Variants in MALRD1 observed in about 807,000 individuals in gnomAD.
The protein encoded by MALRD1 is MAM and LDL receptor class A domain containing 1.
In MALRD1, 247 loss-of-function variants were observed where a neutral mutation model predicts 242.1. The ratio of observed to expected loss-of-function variants is 1.02; its 90% CI spans 0.92 to 1.13. The LOEUF (loss-of-function observed/expected upper bound fraction) is 1.13. Among genes scored for constraint, MALRD1 ranks in the 50% most tolerant of loss-of-function variants. The pLI, the probability that MALRD1 is intolerant of heterozygous loss-of-function variation, is 0.00. For synonymous variants in MALRD1, 995 were observed against 866.6 expected, an observed-to-expected ratio of 1.15 and a Z score of -2.60; for missense variants, 2,989 against 2,533.1, an observed-to-expected ratio of 1.18 and a Z score of -3.86.
chr10:19,062,141 A>G (rs1171320004), intron 1 of MALRD1, among the ~76,000 whole-genome samples: 1 of 152,246 alleles, frequency 6.6e-6, no homozygotes, highest in East Asian at 1.9e-4. Flanking sequence ...AAAAAAATAC[A>G]TAAATGTCCA....
intron 31 of MALRD1, among the ~76,000 whole-genome samples, chr10:19,521,487 CT>C (rs1245341720): frequency 6.6e-6 from 1 of 152,084 alleles, no homozygotes; most frequent in Non-Finnish European, 1.5e-5. Context: ...TCCTCATGCA[CT>C]TTGTGTCCTC....
rs182280361 is a variant in MALRD1 at position 19,706,434 on chromosome 10, C to T, written c.6314+13880C>T. On this transcript the variant is annotated intron_variant, in intron 38 of 39. Transcript: ENST00000454679. The stretch of plus-strand genomic sequence containing the variant: ...CCTCTGCCCCCGCCCCCCTTGGCCC[C>T]GGGTTCAAGTGATTCTCCTGCCTCA... Among the ~76,000 whole-genome samples, 583 of 152,052 alleles carry T rather than the reference C, an allele frequency of 3.8e-3. 4 individuals are homozygous for T. Among genetic ancestry groups the T allele is most frequent in the African/African-American group, 0.012 (494 of 41,476 alleles).
At chr10:19,683,999 G>C (rs1316742767) in intron 36 of MALRD1, among the ~76,000 whole-genome samples, 2 of 152,010 alleles carry the variant, frequency 1.3e-5, no homozygotes, top group Non-Finnish European at 2.9e-5. Context: ...TCATTGTTCA[G>C]CTCCCACTTA....
At position 19,238,464 on chromosome 10, in the gene MALRD1, A is replaced by ATG. The variant is rs1564492544; in HGVS notation, c.2992-19219_2992-19218insGT. 3.6e-3 allele frequency among the ~76,000 whole-genome samples: 98 copies of ATG among 26,998 alleles called. 11 individuals are homozygous for ATG. The highest frequency in any genetic ancestry group is 0.038 in the Middle Eastern group (1 of 26). The allele number at this position is 26,998 out of a possible 152,430, so 17.7% of individuals were successfully genotyped here. ...TAATATACATTATATATAATATATA[A>ATG]TATAATATATAATATACATTATATA... is the stretch of plus-strand genomic sequence containing the variant. On this transcript the variant is annotated intron_variant, in intron 18 of 39. Transcript: ENST00000454679.
At chr10:19,548,505 C>A (rs1038622333) in intron 32 of MALRD1, among the ~76,000 whole-genome samples, 4 of 152,188 alleles carry the variant, frequency 2.6e-5, no homozygotes, top group Non-Finnish European at 5.9e-5. Context: ...CAAGATGTGA[C>A]TGGCCTGAAT....
At position 19,615,792 on chromosome 10, in the gene MALRD1, A is replaced by G. The variant is rs16919173; in HGVS notation, c.6071-65A>G. The G allele has an allele frequency of 0.016, 19,956 of 1,227,512 alleles. 1,788 individuals are homozygous for G. In the African/African-American group the frequency reaches 0.22, roughly 14 times the overall value. 76.0% of individuals were successfully genotyped at this position (1,227,512 alleles called of 1,614,324 possible). A position where few individuals can be genotyped will look rare whatever the true frequency, so the allele number is the denominator to read the frequency against. ...AGATTTAATGTAATGACAAATAGTG[A>G]TATCTTCTTCTTCCTCCTAATACTA... On this transcript the variant is annotated intron_variant, in intron 35 of 39. Coordinates refer to ENST00000454679, the MANE Select transcript of MALRD1 (RefSeq NM_001142308.3).
chr10:19,266,769 C>G (rs994559672), intron 19 of MALRD1, among the ~76,000 whole-genome samples: 3 of 151,900 alleles, frequency 2.0e-5, no homozygotes, highest in African/African-American at 7.2e-5. Context: ...CTAGTAGGAA[C>G]TTAGCCATGT....
At chr10:19,482,518 G>A (rs1837037892) in intron 29 of MALRD1, among the ~76,000 whole-genome samples, 1 of 151,904 alleles carries the variant, frequency 6.6e-6, no homozygotes, top group African/African-American at 2.4e-5. Flanking sequence ...TCTATACTGA[G>A]AAAGCCCAAA....
chr10:19,395,439 A>G (rs142338496), intron 28 of MALRD1, among the ~76,000 whole-genome samples: 34 of 152,352 alleles, frequency 2.2e-4, no homozygotes, highest in African/African-American at 6.3e-4. Context: ...GAGGGCTTCC[A>G]GGTCATACGT....
At chr10:19,138,544 C>T (rs1026793973) in intron 10 of MALRD1, among the ~76,000 whole-genome samples, 8 of 151,956 alleles carry the variant, frequency 5.3e-5, no homozygotes, top group Middle Eastern at 3.4e-3. Flanking sequence ...TCTCGGCCTC[C>T]AGAGTAGCTG....
chr10:19,104,333 A>G (rs948223214), intron 5 of MALRD1, among the ~76,000 whole-genome samples: 1 of 152,180 alleles, frequency 6.6e-6, no homozygotes, highest in Non-Finnish European at 1.5e-5. Context: ...AATGTTTACA[A>G]CGGCTAAAGT....
intron 26 of MALRD1, among the ~76,000 whole-genome samples, chr10:19,370,007 C>T (rs2130742044): frequency 6.6e-6 from 1 of 152,178 alleles, no homozygotes; most frequent in South Asian, 2.1e-4. Flanking sequence ...AGATATTCTA[C>T]TATATTTTCT....
intron 36 of MALRD1, among the ~76,000 whole-genome samples, chr10:19,691,470 T>C (rs1225559680): frequency 6.6e-6 from 1 of 152,100 alleles, no homozygotes; most frequent in African/African-American, 2.4e-5. Flanking sequence ...TACGTTTTCA[T>C]CCTATTTTGT....
chr10:19,246,709 G>T (rs1189121875), intron 18 of MALRD1, among the ~76,000 whole-genome samples: 1 of 152,090 alleles, frequency 6.6e-6, no homozygotes, highest in Non-Finnish European at 1.5e-5. Context: ...AGTCCATCCT[G>T]TTGAGCTGCC....
chr10:19,219,703 C>G (rs114209457), intron 18 of MALRD1, among the ~76,000 whole-genome samples: 1 of 152,196 alleles, frequency 6.6e-6, no homozygotes, highest in African/African-American at 2.4e-5. Flanking sequence ...GGATTACAGG[C>G]ATGAGCCACC....
At chr10:19,167,807 C>A (rs924264284) in intron 13 of MALRD1, among the ~76,000 whole-genome samples, 1 of 152,156 alleles carries the variant, frequency 6.6e-6, no homozygotes, top group Non-Finnish European at 1.5e-5. Flanking sequence ...CTTCCTCCTC[C>A]CATGGAGTGA....
intron 39 of MALRD1, among the ~76,000 whole-genome samples, chr10:19,732,146 C>A (rs1835320985): frequency 6.6e-6 from 1 of 152,070 alleles, no homozygotes; most frequent in Non-Finnish European, 1.5e-5. Context: ...GGGAGACCTA[C>A]TTCATGGATA....
At chr10:19,099,164 C>T (rs970117469) in intron 4 of MALRD1, among the ~76,000 whole-genome samples, 1 of 152,172 alleles carries the variant, frequency 6.6e-6, no homozygotes, top group African/African-American at 2.4e-5. Flanking sequence ...GCACAACTGC[C>T]GGCATTCACC....
At chr10:19,520,675 G>A (rs543365405) in intron 31 of MALRD1, among the ~76,000 whole-genome samples, 1 of 151,360 alleles carries the variant, frequency 6.6e-6, no homozygotes, top group African/African-American at 2.5e-5. Flanking sequence ...CATAGTGAGT[G>A]TTTAGGTTAG....
Sources: allele counts gnomAD v4.1 joint callset (sites outside exome capture counted in the v4.1 genomes callset), GRCh38; gene constraint gnomAD v4.1.1; transcripts MANE v1.5; gene names NCBI Gene and HGNC (gene_info 2026-07-23, HGNC 2026-07-21).